SHISA9: variants seen among roughly 807,000 people sequenced by gnomAD.
SHISA9 encodes the protein shisa family member 9.
Under a neutral mutation model 38.0 loss-of-function variants are expected in SHISA9, and 13 were observed. That is an observed-to-expected ratio of 0.34 (90% CI 0.22 to 0.54). The LOEUF is 0.54. Among genes scored for constraint, SHISA9 ranks in the 20% least tolerant of loss-of-function variants. The pLI is 0.91. For synonymous variants in SHISA9, 275 were observed against 242.0 expected (o/e 1.14, Z -1.27); for missense variants, 538 against 575.8 (o/e 0.93, Z 0.67).
the SHISA9 span, among the ~76,000 whole-genome samples, chr16:13,333,186 G>A: frequency 6.6e-6 from 1 of 152,148 alleles, no homozygotes; most frequent in Non-Finnish European, 1.5e-5. Flanking sequence ...CCATACAAGG[G>A]TCAAACACTC....
the SHISA9 span, among the ~76,000 whole-genome samples, chr16:13,379,248 G>C: frequency 6.6e-6 from 1 of 152,208 alleles, no homozygotes; most frequent in African/African-American, 2.4e-5. Context: ...TTCACTCCAA[G>C]TTCACATTCA....
At chr16:13,296,437 A>G in the SHISA9 span, among the ~76,000 whole-genome samples, 9 of 151,798 alleles carry the variant, frequency 5.9e-5, no homozygotes, top group African/African-American at 2.2e-4. Context: ...GGGGAAAAAA[A>G]CAGATCCCTT....
At chr16:13,407,383 C>A in the SHISA9 span, among the ~76,000 whole-genome samples, 1 of 152,056 alleles carries the variant, frequency 6.6e-6, no homozygotes, top group Non-Finnish European at 1.5e-5. Context: ...CAAGGGATCT[C>A]TTTAGGGCCT....
chr16:12,953,593 A>G (rs1265487423), intron 2 of SHISA9, among the ~76,000 whole-genome samples: 6 of 152,236 alleles, frequency 3.9e-5, no homozygotes, highest in African/African-American at 1.2e-4. Context: ...GGCATAAATA[A>G]GACCTATTAC....
the SHISA9 span, among the ~76,000 whole-genome samples, chr16:13,526,432 A>G: frequency 2.0e-5 from 3 of 152,076 alleles, no homozygotes; most frequent in African/African-American, 7.2e-5. Context: ...TGCCCAGGCT[A>G]GAGTGCAGTG....
chr16:13,351,668 C>T, the SHISA9 span, among the ~76,000 whole-genome samples: 1 of 152,230 alleles, frequency 6.6e-6, no homozygotes, highest in Non-Finnish European at 1.5e-5. Flanking sequence ...GGAAAAATCA[C>T]TGTGTTAGAA....
chr16:13,393,752 G>A, the SHISA9 span, among the ~76,000 whole-genome samples: 2 of 152,172 alleles, frequency 1.3e-5, no homozygotes, highest in African/African-American at 4.8e-5. Context: ...TGGAGGGAGT[G>A]ATACACTGCT....
At chr16:12,996,318 C>A (rs1039737468) in intron 2 of SHISA9, among the ~76,000 whole-genome samples, 16 of 151,970 alleles carry the variant, frequency 1.1e-4, no homozygotes, top group African/African-American at 3.4e-4. Flanking sequence ...GAAGATCTGG[C>A]AGTGCCAAGC....
At chr16:13,386,118 G>C in the SHISA9 span, among the ~76,000 whole-genome samples, 1 of 152,076 alleles carries the variant, frequency 6.6e-6, no homozygotes, top group Non-Finnish European at 1.5e-5. Flanking sequence ...GAGCTAAATA[G>C]ACACACACAA....
the SHISA9 span, among the ~76,000 whole-genome samples, chr16:13,434,827 G>A: frequency 2.0e-5 from 3 of 152,152 alleles, no homozygotes; most frequent in Non-Finnish European, 4.4e-5. Context: ...GGTTTTTAGT[G>A]GAACTTCAAT....
chr16:13,116,663 T>G (rs898227941), intron 2 of SHISA9, among the ~76,000 whole-genome samples: 1 of 152,174 alleles, frequency 6.6e-6, no homozygotes, highest in Non-Finnish European at 1.5e-5. Flanking sequence ...CCTAAGTGTG[T>G]GAATGGATCC....
chr16:13,352,558 A>T, the SHISA9 span, among the ~76,000 whole-genome samples: 2 of 152,080 alleles, frequency 1.3e-5, no homozygotes, highest in East Asian at 3.9e-4. Context: ...TGTCCTTAAG[A>T]TTGTTCTGGA....
chr16:13,467,837 A>G, the SHISA9 span, among the ~76,000 whole-genome samples: 20 of 152,302 alleles, frequency 1.3e-4, no homozygotes, highest in African/African-American at 4.8e-4. Context: ...CACCAGGTTC[A>G]TTTGTCTCCC....
intron 3 of SHISA9, among the ~76,000 whole-genome samples, chr16:13,212,351 T>C (rs1200940796): frequency 6.6e-6 from 1 of 152,124 alleles, no homozygotes; most frequent in African/African-American, 2.4e-5. Context: ...CAGAGAACTA[T>C]CAAAGAAAAT....
At chr16:13,249,405 A>G in the SHISA9 span, among the ~76,000 whole-genome samples, 1 of 152,210 alleles carries the variant, frequency 6.6e-6, no homozygotes, top group Non-Finnish European at 1.5e-5. Flanking sequence ...TAAAATAGGA[A>G]TAATAATGCG....
rs553649649 is a variant in SHISA9 at position 12,986,944 on chromosome 16, C to G, written c.691+70129C>G. Reference sequence around the variant, plus strand: ...ATGACAGGGTACTTCTTCCTCTTCTCATTAGATGATATCACACCTGAGTGA... The same window carrying G: ...ATGACAGGGTACTTCTTCCTCTTCTGATTAGATGATATCACACCTGAGTGA... On this transcript the variant is annotated intron_variant, in intron 2 of 4. Transcript: ENST00000558583. Among the ~76,000 whole-genome samples, 370 of 152,318 alleles carry G rather than the reference C, an allele frequency of 2.4e-3. 1 individual carries two copies. Among genetic ancestry groups the G allele is most frequent in the African/African-American group, 8.3e-3 (344 of 41,578 alleles).
chr16:13,261,332 C>T, the SHISA9 span, among the ~76,000 whole-genome samples: 85,872 of 151,884 alleles, frequency 0.57, 24,877 homozygotes, highest in African/African-American at 0.68. Context: ...ATCCTGATAG[C>T]GGTGGTGGTT....
intron 2 of SHISA9, among the ~76,000 whole-genome samples, chr16:13,098,935 T>A (rs888597702): frequency 4.6e-5 from 7 of 152,234 alleles, no homozygotes; most frequent in Middle Eastern, 3.2e-3. Flanking sequence ...AATAAAGGGA[T>A]GAGTCATTAG....
At chr16:13,425,382 A>C in the SHISA9 span, among the ~76,000 whole-genome samples, 1 of 152,212 alleles carries the variant, frequency 6.6e-6, no homozygotes, top group Non-Finnish European at 1.5e-5. Flanking sequence ...GGCTACTCAG[A>C]AGGCTGAGGC....
Sources: allele counts gnomAD v4.1 joint callset (sites outside exome capture counted in the v4.1 genomes callset), GRCh38; gene constraint gnomAD v4.1.1; transcripts MANE v1.5; gene names NCBI Gene and HGNC (gene_info 2026-07-23, HGNC 2026-07-21).